The following GPR158 variants were observed in gnomAD, a reference collection of about 807,000 sequenced individuals.
The protein encoded by GPR158 is metabotropic glycine receptor.
GPR158 carries 30 observed loss-of-function variants against 78.2 expected under a neutral mutation model. That is an observed-to-expected ratio of 0.38 (90% CI 0.29 to 0.52). The LOEUF (loss-of-function observed/expected upper bound fraction) is 0.52. GPR158 is among the 20% of genes least tolerant of loss of function. GPR158 has a pLI of 0.83. For synonymous variants in GPR158, 581 were observed against 591.1 expected (o/e 0.98, Z 0.25); for missense variants, 1,463 against 1,523.5 (o/e 0.96, Z 0.66).
At chr10:25,210,127 T>C (rs896891415) in intron 1 of GPR158, among the ~76,000 whole-genome samples, 1 of 152,216 alleles carries the variant, frequency 6.6e-6, no homozygotes, top group Non-Finnish European at 1.5e-5. Flanking sequence ...CAAAAAAGTA[T>C]CTTGTTTCCC....
chr10:25,575,539 G>GC lies in GPR158; in HGVS notation c.1753+2653dup, dbSNP rs1241188970. Among the ~76,000 whole-genome samples the GC allele has an allele frequency of 7.2e-5, 11 of 152,184 alleles. No individual in the cohort carries two copies. The East Asian group carries it at 1.2e-3, about 16-fold the overall frequency. ...AGACACTCCCGGATAGTGGAGCTCA[G>GC]CAATCTGTGTTTCGTAAGTGTTCCA... On this transcript the variant is annotated intron_variant, in intron 7 of 10. Coordinates refer to ENST00000376351, the MANE Select transcript of GPR158 (RefSeq NM_020752.3).
At chr10:25,481,314 C>T (rs1835661495) in intron 5 of GPR158, among the ~76,000 whole-genome samples, 1 of 152,102 alleles carries the variant, frequency 6.6e-6, no homozygotes, top group Non-Finnish European at 1.5e-5. Context: ...GCACGCCAAG[C>T]TGCAGTTTCT....
rs1837467843 is a variant in GPR158, at chr10:25,599,770, TCA to T, written c.*497_*498del. On this transcript the variant is annotated 3_prime_UTR_variant, in exon 11 of 11. Coordinates refer to ENST00000376351, the MANE Select transcript of GPR158 (RefSeq NM_020752.3). Reference sequence around the variant, plus strand: ...ATATCTTTTATATTAATGATTGCTCTCATTTTCTTATAAATGTATGTTTCAGT... The same window carrying T: ...ATATCTTTTATATTAATGATTGCTCTTTTTCTTATAAATGTATGTTTCAGT... The T allele has an allele frequency of 6.5e-6, 1 of 154,486 alleles. No homozygotes were observed. The highest frequency in any genetic ancestry group is 2.0e-4 in the South Asian group (1 of 4,954). 9.6% of individuals were successfully genotyped at this position (154,486 alleles called of 1,614,324 possible). A position where few individuals can be genotyped will look rare whatever the true frequency, so the allele number is the denominator to read the frequency against.
chr10:25,353,725 C>T (rs987629486), intron 2 of GPR158, among the ~76,000 whole-genome samples: 1 of 152,036 alleles, frequency 6.6e-6, no homozygotes, highest in Non-Finnish European at 1.5e-5. Flanking sequence ...TTTTCTACCC[C>T]TTTACTTTTT....
intron 2 of GPR158, among the ~76,000 whole-genome samples, chr10:25,369,628 T>C (rs1833957472): frequency 6.6e-6 from 1 of 151,846 alleles, no homozygotes; most frequent in Non-Finnish European, 1.5e-5. Flanking sequence ...TCTAAAATTC[T>C]CTTTTTTGGT....
intron 2 of GPR158, among the ~76,000 whole-genome samples, chr10:25,372,615 A>G (rs1376733479): frequency 1.4e-5 from 2 of 145,830 alleles, no homozygotes; most frequent in Non-Finnish European, 3.0e-5. Flanking sequence ...AGAACAAAAA[A>G]CCAAACACCG....
rs142634449 is a variant in GPR158, at chr10:25,189,602, C to T, written c.902+13280C>T. Among the ~76,000 whole-genome samples the T allele has an allele frequency of 5.7e-4, 85 of 149,862 alleles. No individual in the cohort carries two copies. In the East Asian group the frequency reaches 0.016, roughly 28 times the overall value. ...GTTGAACAATGAGAACACTTGGACA[C>T]AGGAAGGGGAACATCACACACAGGG... On this transcript the variant is annotated intron_variant, in intron 1 of 10. Coordinates refer to ENST00000376351, the MANE Select transcript of GPR158 (RefSeq NM_020752.3).
chr10:25,471,745 C>T (rs1469522456), intron 5 of GPR158, among the ~76,000 whole-genome samples: 1 of 152,158 alleles, frequency 6.6e-6, no homozygotes, highest in Non-Finnish European at 1.5e-5. Flanking sequence ...TGTCTGTTGG[C>T]TGCATAAATA....
At chr10:25,250,630 A>G (rs1198156827) in intron 2 of GPR158, among the ~76,000 whole-genome samples, 1 of 149,710 alleles carries the variant, frequency 6.7e-6, no homozygotes, top group Non-Finnish European at 1.5e-5. Flanking sequence ...GCTTTGAGTG[A>G]GATTCTTAAT....
At chr10:25,534,116 G>A (rs972480230) in intron 5 of GPR158, among the ~76,000 whole-genome samples, 36 of 152,094 alleles carry the variant, frequency 2.4e-4, no homozygotes, top group African/African-American at 8.7e-4. Context: ...AGCTTTCTTT[G>A]ACATCTTCAT....
chr10:25,309,914 C>T (rs1005237120), intron 2 of GPR158, among the ~76,000 whole-genome samples: 34 of 152,024 alleles, frequency 2.2e-4, no homozygotes, highest in African/African-American at 8.2e-4. Flanking sequence ...ATTACCCCAT[C>T]TTGAGTATGT....
At chr10:25,444,237 T>G (rs562110242) in intron 4 of GPR158, among the ~76,000 whole-genome samples, 8 of 144,314 alleles carry the variant, frequency 5.5e-5, no homozygotes, top group South Asian at 4.6e-4. Context: ...TAATGGGGGG[T>G]GTGTGTGAGT....
rs757216255 is a variant in GPR158, at chr10:25,596,705, A to G, written c.2061A>G (p.Leu687=). The G allele has an allele frequency of 1.6e-5, 26 of 1,613,442 alleles. No homozygotes were observed. In the African/African-American group the frequency reaches 3.1e-4, roughly 19 times the overall value. The stretch of plus-strand genomic sequence containing the variant: ...CTACAGAAGCATATGAGGATGAGCT[A>G]GACATGGGCCGATCTGGATCCTACC... ...DIATEAYEDE[L]DMGRSGSYLN... The change falls in exon 10 of 11, where the codon CTA becomes CTG. Residue 687 remains leucine, a synonymous_variant. Coordinates refer to ENST00000376351, the MANE Select transcript of GPR158 (RefSeq NM_020752.3).
intron 2 of GPR158, among the ~76,000 whole-genome samples, chr10:25,368,542 C>G (rs1486973781): frequency 6.6e-6 from 1 of 151,818 alleles, no homozygotes; most frequent in Non-Finnish European, 1.5e-5. Context: ...GAGATACCAT[C>G]TGAACCAGTA....
chr10:25,239,640 C>T (rs1337982267), intron 2 of GPR158, among the ~76,000 whole-genome samples: 1 of 151,778 alleles, frequency 6.6e-6, no homozygotes, highest in Non-Finnish European at 1.5e-5. Context: ...CCAAGTTTTC[C>T]TGGTTGGTGC....
At chr10:25,372,085 A>C (rs1182041038) in intron 2 of GPR158, among the ~76,000 whole-genome samples, 1 of 80,408 alleles carries the variant, frequency 1.2e-5, no homozygotes, top group Non-Finnish European at 2.8e-5. Context: ...ACATTTATGC[A>C]GCCAAAAAAC....
chr10:25,566,506 T>G (rs1836931241), intron 6 of GPR158, among the ~76,000 whole-genome samples: 1 of 152,080 alleles, frequency 6.6e-6, no homozygotes, highest in African/African-American at 2.4e-5. Flanking sequence ...CTTCCTTCCT[T>G]TTTTCATTAT....
rs536721118 is a variant in GPR158, at chr10:25,545,075, A to G, written c.1405-5901A>G. Among the ~76,000 whole-genome samples the G allele has an allele frequency of 3.3e-5, 5 of 152,298 alleles. No homozygotes were observed. In the East Asian group the frequency reaches 9.6e-4, roughly 29 times the overall value. On this transcript the variant is annotated intron_variant, in intron 5 of 10. Transcript: ENST00000376351. ...GGCTGCATAGTATTCCGTGGCGTATATGTGCCACATTTTCTTTATCCAGTC... is the reference window on the plus strand; with the variant it reads ...GGCTGCATAGTATTCCGTGGCGTATGTGTGCCACATTTTCTTTATCCAGTC...
chr10:25,359,681 C>G (rs1350911214), intron 2 of GPR158, among the ~76,000 whole-genome samples: 1 of 152,078 alleles, frequency 6.6e-6, no homozygotes, highest in Non-Finnish European at 1.5e-5. Flanking sequence ...TGGTTGGTTC[C>G]AAGTCTTTGC....
Sources: gnomAD v4.1 joint callset for allele counts (sites outside exome capture counted in the v4.1 genomes callset) on GRCh38, gnomAD v4.1.1 for gene constraint, MANE v1.5 for transcripts, NCBI Gene and HGNC (gene_info 2026-07-23, HGNC 2026-07-21) for gene names.